RAB43: variants seen among roughly 807,000 people sequenced by gnomAD.
RAB43 encodes ras-related protein Rab-43.
A neutral mutation model predicts 18.8 loss-of-function variants in RAB43; 6 were observed. That is an observed-to-expected ratio of 0.32 (90% CI 0.17 to 0.63). RAB43 has a LOEUF of 0.63. Ranked by LOEUF, RAB43 falls within the 30% of genes least tolerant of loss-of-function variation. RAB43 has a pLI of 0.79. For synonymous variants in RAB43, 103 were observed against 124.1 expected, an observed-to-expected ratio of 0.83 and a Z score of 1.13; for missense variants, 195 against 289.1, an observed-to-expected ratio of 0.67 and a Z score of 2.36.
At chr3:129,110,856 G>A (rs1451260378) in intron 1 of RAB43, among the ~76,000 whole-genome samples, 2 of 151,254 alleles carry the variant, frequency 1.3e-5, no homozygotes, top group Non-Finnish European at 2.9e-5. Flanking sequence ...ACTTTAAGTG[G>A]GGGAATTTTT....
intron 2 of RAB43, among the ~76,000 whole-genome samples, chr3:129,091,765 CA>C (rs199961275): frequency 8.5e-4 from 119 of 139,872 alleles, no homozygotes; most frequent in Middle Eastern, 3.6e-3. Flanking sequence ...ATAAGGAAGA[CA>C]AAAAAAAAAA....
Position 129,094,505 on chromosome 3 carries a change from C to CTTTTTTTTT in RAB43, c.388+472_388+480dup, listed in dbSNP as rs200896936. On this transcript the variant is annotated intron_variant, in intron 2 of 2. Coordinates refer to ENST00000315150, the MANE Select transcript of RAB43 (RefSeq NM_198490.3). Reference sequence around the variant, plus strand: ...TAATTCCAATTTTGAATATAACTTTCTTTTTTTTTTTTTTTTTTTTTTTTT... The same window carrying CTTTTTTTTT: ...TAATTCCAATTTTGAATATAACTTTCTTTTTTTTTTTTTTTTTTTTTTTTTTTTTTTTTT... Among the ~76,000 whole-genome samples the CTTTTTTTTT allele has an allele frequency of 2.5e-3, 173 of 69,158 alleles. 34 individuals carry two copies. Among genetic ancestry groups the CTTTTTTTTT allele is most frequent in the Non-Finnish European group, 3.9e-3 (149 of 38,598 alleles). 45.4% of individuals were successfully genotyped at this position (69,158 alleles called of 152,430 possible). A position where few individuals can be genotyped will look rare whatever the true frequency, so the allele number is the denominator to read the frequency against.
intron 1 of RAB43, among the ~76,000 whole-genome samples, chr3:129,100,863 G>A (rs1308333993): frequency 6.6e-6 from 1 of 152,166 alleles, no homozygotes; most frequent in African/African-American, 2.4e-5. Context: ...CTGGAGTGCA[G>A]TAGCGTGATC....
In RAB43 at chr3:129,112,038, C is replaced by T. The variant is rs144142638; in HGVS notation, c.204+9248G>A. 5.7e-3 allele frequency among the ~76,000 whole-genome samples: 861 copies of T among 152,160 alleles called. 2 individuals carry two copies. The highest frequency in any genetic ancestry group is 0.015 in the African/African-American group (614 of 41,528). On this transcript the variant is annotated intron_variant, in intron 1 of 2. Coordinates refer to ENST00000315150, the MANE Select transcript of RAB43 (RefSeq NM_198490.3). ...CTGAGGCAGGTGGATTTCTTGAGTCCAGGAGTTCAAGATCAGCCTGGGCAA... is the reference window on the plus strand; with the variant it reads ...CTGAGGCAGGTGGATTTCTTGAGTCTAGGAGTTCAAGATCAGCCTGGGCAA...
At position 129,088,023 on chromosome 3, in the gene RAB43, G is replaced by A. The variant is rs1933451769; in HGVS notation, c.*3073C>T. ...TTGGCAATTTATCAACAAAGGAAGA[G>A]ATGACACTGTTCTCCTTCCGCCCCA... On this transcript the variant is annotated 3_prime_UTR_variant, in exon 3 of 3. Transcript: ENST00000315150. 2 of 152,052 alleles carry A rather than the reference G, an allele frequency of 1.3e-5. No individual in the cohort carries two copies. Among genetic ancestry groups the A allele is most frequent in the South Asian group, 4.1e-4 (2 of 4,826 alleles). 9.4% of individuals were successfully genotyped at this position (152,052 alleles called of 1,614,324 possible).
intron 1 of RAB43, among the ~76,000 whole-genome samples, chr3:129,101,130 A>G (rs975790617): frequency 6.6e-6 from 1 of 152,182 alleles, no homozygotes; most frequent in Non-Finnish European, 1.5e-5. Context: ...CCGTACAAAA[A>G]GGTGCTGTCA....
intron 1 of RAB43, among the ~76,000 whole-genome samples, chr3:129,110,664 C>T (rs79248174): frequency 0.12 from 17,518 of 151,972 alleles, 1,316 homozygotes; most frequent in Non-Finnish European, 0.18. Context: ...TGGTGAAACC[C>T]CGTCTCTATT....
intron 2 of RAB43, among the ~76,000 whole-genome samples, chr3:129,092,941 G>T (rs1933774823): frequency 6.6e-6 from 1 of 151,258 alleles, no homozygotes; most frequent in African/African-American, 2.4e-5. Context: ...GGGCGACAGG[G>T]TGAGACTCTG....
chr3:129,099,178 G>A (rs1158883200), intron 1 of RAB43, among the ~76,000 whole-genome samples: 9 of 150,586 alleles, frequency 6.0e-5, no homozygotes, highest in Non-Finnish European at 1.0e-4. Context: ...TGCAACCTCC[G>A]CCTCCCGGGT....
Position 129,107,892 on chromosome 3 carries a change from G to T in RAB43, c.205-12723C>A, listed in dbSNP as rs980839087. 6.6e-6 allele frequency among the ~76,000 whole-genome samples: 1 copy of T among 152,036 alleles called. No homozygotes were observed. Among genetic ancestry groups the T allele is most frequent in the Admixed American group, 6.6e-5 (1 of 15,262 alleles). ...TCACCCTCACCCTCCAAGCCACTCG[G>T]TCACCTCTTCAACTCTCTAGAGCAA... On this transcript the variant is annotated intron_variant, in intron 1 of 2. Coordinates refer to ENST00000315150, the MANE Select transcript of RAB43 (RefSeq NM_198490.3). This position sits in a 1 kb window ranked among gnomAD's most constrained non-coding sequence, Gnocchi z 4.2.
At chr3:129,099,560 A>G in intron 1 of RAB43, among the ~76,000 whole-genome samples, 1 of 151,392 alleles carries the variant, frequency 6.6e-6, no homozygotes, top group Non-Finnish European at 1.5e-5. Flanking sequence ...CTAATTTTGT[A>G]TTTTTGGTAG....
At chr3:129,093,315 T>C (rs577003059) in intron 2 of RAB43, among the ~76,000 whole-genome samples, 2 of 152,208 alleles carry the variant, frequency 1.3e-5, no homozygotes, top group South Asian at 2.1e-4. Context: ...ATGTCCTGGA[T>C]AAATGGGAAT....
chr3:129,097,924 G>C (rs1934162734), intron 1 of RAB43, among the ~76,000 whole-genome samples: 1 of 152,038 alleles, frequency 6.6e-6, no homozygotes, highest in Admixed American at 6.6e-5. Context: ...CCTGACCATG[G>C]GGCTAGAATC....
rs1280681026 is a variant in RAB43 at position 129,091,060 on chromosome 3, G to A, written c.*36C>T. On this transcript the variant is annotated 3_prime_UTR_variant, in exon 3 of 3. Coordinates refer to ENST00000315150, the MANE Select transcript of RAB43 (RefSeq NM_198490.3). ...CTTGGCAGGCTGGGGAGAGCAAGGA[G>A]GTGGGGAACCCCCAGTCTGCCGGCC... is the stretch of plus-strand genomic sequence containing the variant. 1 of 1,607,668 alleles carries A rather than the reference G, an allele frequency of 6.2e-7. No homozygotes were observed. The highest frequency in any genetic ancestry group is 2.2e-5 in the East Asian group (1 of 44,784).
chr3:129,116,434 A>G (rs1935531137), intron 1 of RAB43, among the ~76,000 whole-genome samples: 1 of 152,254 alleles, frequency 6.6e-6, no homozygotes, highest in African/African-American at 2.4e-5. Context: ...TCCTTTTGCT[A>G]TTTCTAATGA....
chr3:129,097,833 G>A (rs886912335), intron 1 of RAB43, among the ~76,000 whole-genome samples: 1 of 152,030 alleles, frequency 6.6e-6, no homozygotes, highest in Admixed American at 6.6e-5. Context: ...GATAACAAGC[G>A]GCCTGAGACC....
rs959761188 is a variant in RAB43 at position 129,091,340 on chromosome 3, T to C, written c.395A>G (p.Lys132Arg). 1.2e-6 allele frequency: 2 copies of C among 1,608,624 alleles called. No individual in the cohort carries two copies. Among genetic ancestry groups the C allele is most frequent in the Admixed American group, 3.4e-5 (2 of 59,152 alleles). The change falls in exon 3 of 3, where the codon AAG becomes AGG. Residue 132 changes from lysine to arginine, a missense_variant. Lys to Arg is a conservative substitution (Grantham distance 26). Coordinates refer to ENST00000315150, the MANE Select transcript of RAB43 (RefSeq NM_198490.3). ...SNIVQLLIGN[K>R]SDLSELREVS... ...CTCCCGAAGCTCGCTGAGGTCTGAC[T>C]TGTTCCCTGCGGAGGAAAGCCGGGG... is the stretch of plus-strand genomic sequence containing the variant.
Position 129,121,512 on chromosome 3 carries a change from C to G in RAB43, c.-23G>C. On this transcript the variant is annotated 5_prime_UTR_variant, in exon 1 of 3. Coordinates refer to ENST00000315150, the MANE Select transcript of RAB43 (RefSeq NM_198490.3). ...CATGGCCTAGAAGAAGCCGAAGGGC[C>G]GGCGCTCTGGACGCTGGGACCGGCC... The G allele has an allele frequency of 6.3e-7, 1 of 1,580,062 alleles. No homozygotes were observed. The highest frequency in any genetic ancestry group is 1.3e-5 in the African/African-American group (1 of 74,196).
chr3:129,112,162 G>A (rs1408486358), intron 1 of RAB43, among the ~76,000 whole-genome samples: 1 of 152,026 alleles, frequency 6.6e-6, no homozygotes, highest in Non-Finnish European at 1.5e-5. Flanking sequence ...GGCTGAGGTG[G>A]GAGAATCACC....
Sources: gnomAD v4.1 joint callset for allele counts (sites outside exome capture counted in the v4.1 genomes callset) on GRCh38, gnomAD v4.1.1 for gene constraint, Gnocchi (gnomAD v3.1) non-coding constraint, MANE v1.5 for transcripts, NCBI Gene and HGNC (gene_info 2026-07-23, HGNC 2026-07-21) for gene names.